Variants in XRCC5 observed in about 807,000 individuals in gnomAD.
XRCC5 encodes the protein DNA repair protein Ku80.
A neutral mutation model predicts 95.7 loss-of-function variants in XRCC5; 12 were observed. That is an observed-to-expected ratio of 0.13 (90% confidence interval 0.08 to 0.20). The LOEUF (loss-of-function observed/expected upper bound fraction) is 0.20, where lower values mean the gene tolerates loss of function less well. Among genes scored for constraint, XRCC5 ranks in the 10% least tolerant of loss-of-function variants. The pLI is 1.00. For missense variants in XRCC5, 595 were observed against 873.9 expected (o/e 0.68, Z 4.02); for synonymous variants, 281 against 290.3 (o/e 0.97, Z 0.33).
chr2:216,131,111 T>C (rs1696987523), intron 9 of XRCC5, 124 bp downstream of exon 9: 2 of 1,411,008 alleles, frequency 1.4e-6, no homozygotes, highest in East Asian at 5.2e-5. Context: ...AAATGTAGTC[T>C]GGGGGTTAAT....
intron 17 of XRCC5, among the ~76,000 whole-genome samples, chr2:216,190,769 G>A (rs967454006): frequency 6.6e-6 from 1 of 152,294 alleles, no homozygotes; most frequent in South Asian, 2.1e-4. Flanking sequence ...AGAAAAAAAA[G>A]AACACTGACA....
chr2:216,147,970 G>T, intron 13 of XRCC5, 113 bp from the exon 14 acceptor site: 2 of 1,128,958 alleles, frequency 1.8e-6, no homozygotes, highest in Non-Finnish European at 2.6e-6. Context: ...TTTTACATGT[G>T]GTATGAATCA....
intron 19 of XRCC5, among the ~76,000 whole-genome samples, chr2:216,198,919 A>G (rs1189790867): frequency 1.3e-5 from 2 of 152,040 alleles, no homozygotes; most frequent in Non-Finnish European, 2.9e-5. Flanking sequence ...GAGAGTGTAC[A>G]TGTAAATGAT....
chr2:216,137,055 A>G, intron 10 of XRCC5, 33 bp from the exon 11 acceptor site: 4 of 1,598,720 alleles, frequency 2.5e-6, no homozygotes, highest in Non-Finnish European at 3.4e-6. Context: ...TCACATGTTG[A>G]ATATGTGTTA....
chr2:216,201,240 A>G (rs1462891793), intron 19 of XRCC5, among the ~76,000 whole-genome samples: 1 of 152,150 alleles, frequency 6.6e-6, no homozygotes, highest in Non-Finnish European at 1.5e-5. Flanking sequence ...ATGAAACCCA[A>G]ATATATGTCA....
intron 13 of XRCC5, among the ~76,000 whole-genome samples, chr2:216,143,868 G>A (rs1012747951): frequency 6.5e-5 from 8 of 123,126 alleles, no homozygotes; most frequent in African/African-American, 1.8e-4. Flanking sequence ...CACCACGCCC[G>A]GCTAATTTTT....
At chr2:216,162,091 G>T (rs752430690) in intron 16 of XRCC5, 43 bp downstream of exon 16, 2 of 1,537,326 alleles carry the variant, frequency 1.3e-6, no homozygotes, top group South Asian at 2.2e-5. Flanking sequence ...GTTTAGTTAA[G>T]CTAACTAATT....
chr2:216,201,491 G>A (rs1689833112), intron 19 of XRCC5, among the ~76,000 whole-genome samples: 1 of 152,082 alleles, frequency 6.6e-6, no homozygotes, highest in African/African-American at 2.4e-5. Flanking sequence ...TCTGCTTGTG[G>A]CCAGGATTAT....
chr2:216,116,942 T>C lies in XRCC5; in HGVS notation c.319+100T>C. The C allele has an allele frequency of 2.2e-6, 3 of 1,340,842 alleles. No homozygotes were observed. The East Asian group carries it at 6.9e-5, about 31-fold the overall frequency. The allele number at this position is 1,340,842 out of a possible 1,614,324, so 83.1% of individuals were successfully genotyped here. ...ACCCCCAGAGTTTCAGCTATGAGTATATGGGTATATTTTGCTCTGAGGAGG... is the reference window on the plus strand; with the variant it reads ...ACCCCCAGAGTTTCAGCTATGAGTACATGGGTATATTTTGCTCTGAGGAGG... On this transcript the variant is annotated intron_variant, in intron 3 of 20. Coordinates refer to ENST00000392132, the MANE Select transcript of XRCC5 (RefSeq NM_021141.4).
chr2:216,115,456 A>G (rs973279153), intron 2 of XRCC5, among the ~76,000 whole-genome samples: 2 of 152,162 alleles, frequency 1.3e-5, no homozygotes, highest in African/African-American at 4.8e-5. Flanking sequence ...GGCGGCAGAT[A>G]CCTGCCCAGC....
chr2:216,159,948 T>C (rs907077829), intron 14 of XRCC5, 120 bp from the exon 15 acceptor site: 1 of 584,986 alleles, frequency 1.7e-6, no homozygotes, highest in African/African-American at 2.0e-5. Flanking sequence ...TTCTTCATTA[T>C]TTTTCTTTTC....
In XRCC5 at chr2:216,126,123, G is replaced by A. The variant is rs41299780; in HGVS notation, c.798+92G>A. ...CAGACAATTCATGTGTGTGTTACTC[G>A]GAACCATAATTACTGCTTTTCTAGT... On this transcript the variant is annotated intron_variant, in intron 7 of 20. Coordinates refer to ENST00000392132, the MANE Select transcript of XRCC5 (RefSeq NM_021141.4). The A allele has an allele frequency of 7.2e-5, 72 of 1,005,728 alleles. No homozygotes were observed. The African/African-American group carries it at 9.3e-4, about 13-fold the overall frequency. The allele number at this position is 1,005,728 out of a possible 1,614,324, so 62.3% of individuals were successfully genotyped here. A position where few individuals can be genotyped will look rare whatever the true frequency, so the allele number is the denominator to read the frequency against.
Position 216,148,264 on chromosome 2 carries a change from T to A in XRCC5, c.1658T>A (p.Ile553Asn). 6.2e-7 allele frequency: 1 copy of A among 1,609,658 alleles called. No homozygotes were observed. Residue 553 changes from isoleucine to asparagine, a missense_variant, in exon 14 of 21, where the codon ATT becomes AAT. Ile to Asn is a moderately radical substitution (Grantham distance 149, BLOSUM62 -3). Around this residue, in one of 2 missense-constraint regions of XRCC5, gnomAD observed 309 missense variants for 382.9 expected, o/e 0.81. Transcript: ENST00000392132. The stretch of plus-strand genomic sequence containing the variant: ...AAGGATCAAGTGACTGCTCAGGAAA[T>A]TTTCCAAGACAAGTAAGTACTTGGT... ...KKKDQVTAQE[I>N]FQDNHEDGPT...
In XRCC5 at chr2:216,123,209, A is replaced by T. The variant is rs566528004; in HGVS notation, c.683+956A>T. Reference sequence around the variant, plus strand: ...ACAACTAGAATTTTTTTAAGTAGCTACAGTGTATATCTCCTTAATATTTTT... The same window carrying T: ...ACAACTAGAATTTTTTTAAGTAGCTTCAGTGTATATCTCCTTAATATTTTT... On this transcript the variant is annotated intron_variant, in intron 6 of 20. Coordinates refer to ENST00000392132, the MANE Select transcript of XRCC5 (RefSeq NM_021141.4). 5.9e-5 allele frequency among the ~76,000 whole-genome samples: 9 copies of T among 152,346 alleles called. No individual in the cohort carries two copies. In the East Asian group the frequency reaches 1.7e-3, roughly 29 times the overall value.
At chr2:216,164,681 G>A (rs1214363198) in intron 16 of XRCC5, among the ~76,000 whole-genome samples, 2 of 152,168 alleles carry the variant, frequency 1.3e-5, no homozygotes, top group Non-Finnish European at 2.9e-5. Flanking sequence ...GAAGAAGAGG[G>A]GAGAGGCAGG....
chr2:216,173,597 G>A (rs1219370258), intron 16 of XRCC5, among the ~76,000 whole-genome samples: 1 of 152,154 alleles, frequency 6.6e-6, no homozygotes, highest in Non-Finnish European at 1.5e-5. Context: ...AATTCATTTA[G>A]CTAATGCTAC....
chr2:216,122,009 T>G, intron 5 of XRCC5, 53 bp from the exon 6 acceptor site: 1 of 1,445,968 alleles, frequency 6.9e-7, no homozygotes. Flanking sequence ...TCATAGCTGA[T>G]GAGTTACAGT....
At chr2:216,138,702 G>A (rs16855452) in intron 12 of XRCC5, among the ~76,000 whole-genome samples, 12,237 of 152,226 alleles carry the variant, frequency 0.08, 913 homozygotes, top group African/African-American at 0.2. Flanking sequence ...GGCTGCAAAT[G>A]TCAGGGTCCT....
rs533016341 is a variant in XRCC5, at chr2:216,131,038, T to C, written c.1050+51T>C. 1.7e-5 allele frequency: 25 copies of C among 1,512,064 alleles called. No individual in the cohort carries two copies. The East Asian group carries it at 4.8e-4, about 29-fold the overall frequency. The allele number at this position is 1,512,064 out of a possible 1,614,324, so 93.7% of individuals were successfully genotyped here. On this transcript the variant is annotated intron_variant, in intron 9 of 20. Coordinates refer to ENST00000392132, the MANE Select transcript of XRCC5 (RefSeq NM_021141.4). Reference sequence around the variant, plus strand: ...GCTTTTTCCTAGCTGTTATTTGAAATGGTATGCTTTTGATTGGTCATTTTA... The same window carrying C: ...GCTTTTTCCTAGCTGTTATTTGAAACGGTATGCTTTTGATTGGTCATTTTA...
Sources: allele counts gnomAD v4.1 joint callset (sites outside exome capture counted in the v4.1 genomes callset), GRCh38; gene constraint gnomAD v4.1.1; regional missense constraint gnomAD v4.1.1; transcripts MANE v1.5; gene names NCBI Gene and HGNC (gene_info 2026-07-23, HGNC 2026-07-21).